Variants in FGF12 observed in about 807,000 individuals in gnomAD.
The protein encoded by FGF12 is fibroblast growth factor 12B.
FGF12 carries 14 observed loss-of-function variants against 23.6 expected under a neutral mutation model. The ratio of observed to expected loss-of-function variants is 0.59; its 90% CI spans 0.39 to 0.93. FGF12 has a LOEUF of 0.93. Ranked by LOEUF, FGF12 falls within the 40% of genes least tolerant of loss-of-function variation. The pLI is 0.00. For synonymous variants in FGF12, 62 were observed against 77.3 expected (o/e 0.80, Z 1.04); for missense variants, 175 against 217.8 (o/e 0.80, Z 1.24).
chr3:192,346,874 T>C (rs1048157063), intron 3 of FGF12, among the ~76,000 whole-genome samples: 2 of 152,034 alleles, frequency 1.3e-5, no homozygotes, highest in Non-Finnish European at 2.9e-5. Context: ...CATGAAACAT[T>C]CCATAAAAAC....
intron 2 of FGF12, among the ~76,000 whole-genome samples, chr3:192,718,823 T>C (rs542263076): frequency 6.6e-6 from 1 of 152,274 alleles, no homozygotes; most frequent in African/African-American, 2.4e-5. Flanking sequence ...AAAAGCTAGC[T>C]CAAACCCACA....
intron 2 of FGF12, among the ~76,000 whole-genome samples, chr3:192,694,569 A>G (rs1435396867): frequency 6.6e-6 from 1 of 152,054 alleles, no homozygotes; most frequent in East Asian, 1.9e-4. Flanking sequence ...ATATACACAT[A>G]CATATATATA....
At chr3:192,496,907 T>G (rs780653577) in intron 2 of FGF12, among the ~76,000 whole-genome samples, 2 of 152,362 alleles carry the variant, frequency 1.3e-5, no homozygotes, top group East Asian at 1.9e-4. Context: ...TGGCTAAATA[T>G]AGAACATTGC....
intron 2 of FGF12, among the ~76,000 whole-genome samples, chr3:192,522,386 TAATA>T (rs1017826361): frequency 6.6e-6 from 1 of 152,112 alleles, no homozygotes; most frequent in Non-Finnish European, 1.5e-5. Flanking sequence ...ACACATGAAA[TAATA>T]TATATAATCC....
rs953640925 is a variant in FGF12, at chr3:192,269,657, T to C, written c.228+65704A>G. On this transcript the variant is annotated intron_variant, in intron 4 of 5. Coordinates refer to ENST00000445105, the MANE Select transcript of FGF12 (RefSeq NM_004113.6). ...GTTATTTAGTTCCTCTATATAACAC[T>C]AGGTTGGAGCCAATTTTCTGCAGTT... 7.9e-5 allele frequency among the ~76,000 whole-genome samples: 12 copies of C among 152,342 alleles called. 1 individual carries two copies. The highest frequency in any genetic ancestry group is 3.4e-3 in the Middle Eastern group (1 of 294).
At chr3:192,631,209 C>T (rs534844491) in intron 2 of FGF12, among the ~76,000 whole-genome samples, 1 of 152,240 alleles carries the variant, frequency 6.6e-6, no homozygotes, top group South Asian at 2.1e-4. Context: ...CCCGAATTTG[C>T]TTTTCACTTC....
At position 192,337,160 on chromosome 3, in the gene FGF12, C is replaced by G. The variant is rs149171607; in HGVS notation, c.125-1696G>C. Among the ~76,000 whole-genome samples the G allele has an allele frequency of 6.8e-3, 1,028 of 152,122 alleles. 11 individuals are homozygous for G. Among genetic ancestry groups the G allele is most frequent in the African/African-American group, 0.024 (977 of 41,500 alleles). ...CTAAGACATATGGAATAATATGATA[C>G]AGTGTATAATTTACTTCTATAATTA... is the stretch of plus-strand genomic sequence containing the variant. On this transcript the variant is annotated intron_variant, in intron 3 of 5. Transcript: ENST00000445105.
chr3:192,390,345 A>G (rs4687328), intron 2 of FGF12, among the ~76,000 whole-genome samples: 147,339 of 152,324 alleles, frequency 0.97, 71,296 homozygotes, highest in East Asian at 1. Flanking sequence ...GGAGAGATTG[A>G]AAGAGATAAG....
intron 2 of FGF12, among the ~76,000 whole-genome samples, chr3:192,705,251 A>G (rs1230422731): frequency 1.3e-5 from 2 of 152,200 alleles, no homozygotes; most frequent in African/African-American, 4.8e-5. Flanking sequence ...CTAGCTTTTG[A>G]TTTTAAGTGA....
chr3:192,282,018 C>T (rs1714173706), intron 4 of FGF12, among the ~76,000 whole-genome samples: 2 of 152,170 alleles, frequency 1.3e-5, no homozygotes, highest in South Asian at 4.1e-4. Context: ...AGAGAACACA[C>T]TACTCATTCA....
intron 2 of FGF12, among the ~76,000 whole-genome samples, chr3:192,584,688 A>G (rs1366213782): frequency 6.6e-6 from 1 of 151,966 alleles, no homozygotes; most frequent in Non-Finnish European, 1.5e-5. Context: ...ACCTTTCCGG[A>G]TTGTGCCAGG....
intron 2 of FGF12, among the ~76,000 whole-genome samples, chr3:192,594,245 CA>C (rs1367368738): frequency 6.6e-6 from 1 of 151,862 alleles, no homozygotes; most frequent in Admixed American, 6.6e-5. Context: ...TTAGAGTCCA[CA>C]CATTCACTCA....
chr3:192,591,158 C>G (rs921128527), intron 2 of FGF12, among the ~76,000 whole-genome samples: 1 of 151,318 alleles, frequency 6.6e-6, no homozygotes, highest in African/African-American at 2.4e-5. Context: ...AGGCAAAACC[C>G]AGTTCCTTCA....
intron 4 of FGF12, among the ~76,000 whole-genome samples, chr3:192,331,311 C>CAAAAAAAAAAAAAAAAAAAA (rs201997868): frequency 1.0e-5 from 1 of 95,982 alleles, no homozygotes; most frequent in Non-Finnish European, 2.3e-5. Flanking sequence ...GGAGTTTTCT[C>CAAAAAAAAAAAAAAAAAAAA]AAAAAAAAAA....
chr3:192,573,848 A>C (rs993639118), intron 2 of FGF12, among the ~76,000 whole-genome samples: 2 of 152,254 alleles, frequency 1.3e-5, no homozygotes, highest in African/African-American at 4.8e-5. Flanking sequence ...TTTAATTGCC[A>C]TCTTATCCAT....
intron 2 of FGF12, among the ~76,000 whole-genome samples, chr3:192,599,705 C>T (rs1012393526): frequency 1.1e-4 from 17 of 151,666 alleles, no homozygotes; most frequent in Admixed American, 9.9e-4. Flanking sequence ...ACTGAGGATA[C>T]GACATTTAAA....
At chr3:192,424,667 C>T (rs2366664) in intron 2 of FGF12, among the ~76,000 whole-genome samples, 109,604 of 151,990 alleles carry the variant, frequency 0.72, 40,350 homozygotes, top group African/African-American at 0.88. Context: ...TGAATTTGCC[C>T]TTGTCCTGAA....
At chr3:192,386,182 CCA>C (rs1462015226) in intron 2 of FGF12, among the ~76,000 whole-genome samples, 1 of 152,214 alleles carries the variant, frequency 6.6e-6, no homozygotes, top group African/African-American at 2.4e-5. Context: ...AGAGCTAATT[CCA>C]CAGTTCCACG....
At chr3:192,494,292 T>C (rs925340234) in intron 2 of FGF12, among the ~76,000 whole-genome samples, 1 of 152,164 alleles carries the variant, frequency 6.6e-6, no homozygotes, top group Non-Finnish European at 1.5e-5. Context: ...CTCTGCAATA[T>C]CCCTACAGTC....
Sources: allele counts gnomAD v4.1 joint callset (sites outside exome capture counted in the v4.1 genomes callset), GRCh38; gene constraint gnomAD v4.1.1; transcripts MANE v1.5; gene names NCBI Gene and HGNC (gene_info 2026-07-23, HGNC 2026-07-21).